PNLIPRP3: variants seen among roughly 807,000 people sequenced by gnomAD.
PNLIPRP3 encodes pancreatic lipase related protein 3.
PNLIPRP3 carries 58 observed loss-of-function variants against 52.8 expected under a neutral mutation model. The ratio of observed to expected loss-of-function variants is 1.10; its 90% CI spans 0.89 to 1.37. The LOEUF (loss-of-function observed/expected upper bound fraction) is 1.37, where lower values mean the gene tolerates loss of function less well. Among genes scored for constraint, PNLIPRP3 ranks in the 40% most tolerant of loss-of-function variants. PNLIPRP3 has a pLI of 0.00. For missense variants in PNLIPRP3, 593 were observed against 561.6 expected (o/e 1.06, Z -0.57); for synonymous variants, 192 against 185.0 (o/e 1.04, Z -0.31).
chr10:116,467,891 C>T (rs1045129065), intron 8 of PNLIPRP3, among the ~76,000 whole-genome samples: 6 of 151,632 alleles, frequency 4.0e-5, no homozygotes, highest in East Asian at 1.9e-4. Flanking sequence ...TTTGGGAGGC[C>T]GAGGAAGGCG....
At chr10:116,441,325 A>G (rs2133117761) in intron 2 of PNLIPRP3, among the ~76,000 whole-genome samples, 1 of 152,336 alleles carries the variant, frequency 6.6e-6, no homozygotes, top group African/African-American at 2.4e-5. Context: ...TTACACTAGC[A>G]TGACAACAGA....
chr10:116,459,621 AC>A (rs1442399948), intron 5 of PNLIPRP3, among the ~76,000 whole-genome samples: 1 of 152,000 alleles, frequency 6.6e-6, no homozygotes, highest in Non-Finnish European at 1.5e-5. Context: ...AACTCTACAC[AC>A]CAGCCTTAGC....
At chr10:116,451,548 C>T (rs1427300771) in intron 4 of PNLIPRP3, among the ~76,000 whole-genome samples, 1 of 152,106 alleles carries the variant, frequency 6.6e-6, no homozygotes, top group Non-Finnish European at 1.5e-5. Context: ...CCATGAATGG[C>T]TTAGTGCCAT....
At chr10:116,457,691 T>C (rs1449827286) in intron 5 of PNLIPRP3, among the ~76,000 whole-genome samples, 1 of 152,198 alleles carries the variant, frequency 6.6e-6, no homozygotes, top group Admixed American at 6.5e-5. Context: ...CTTTTGAAGA[T>C]GGAACCTCAT....
intron 1 of PNLIPRP3, among the ~76,000 whole-genome samples, chr10:116,433,483 T>G (rs933643187): frequency 6.6e-6 from 1 of 152,170 alleles, no homozygotes; most frequent in Non-Finnish European, 1.5e-5. Flanking sequence ...AAATGCAAAT[T>G]AAAATAACAA....
intron 4 of PNLIPRP3, among the ~76,000 whole-genome samples, chr10:116,444,817 T>C (rs755832933): frequency 8.5e-5 from 13 of 152,218 alleles, no homozygotes; most frequent in Non-Finnish European, 1.6e-4. Flanking sequence ...CAATTGTAAA[T>C]CTATCCTTAG....
chr10:116,435,235 A>G (rs1471477472), intron 1 of PNLIPRP3, among the ~76,000 whole-genome samples: 1 of 152,188 alleles, frequency 6.6e-6, no homozygotes, highest in Non-Finnish European at 1.5e-5. Flanking sequence ...CTTATAGAGC[A>G]AAGTCTGAAT....
At chr10:116,450,914 C>CT (rs34138601) in intron 4 of PNLIPRP3, among the ~76,000 whole-genome samples, 122,146 of 151,454 alleles carry the variant, frequency 0.81, 52,217 homozygotes, top group Non-Finnish European at 0.97. Context: ...TTCCAGTGGC[C>CT]TTTTTTTTAA....
intron 7 of PNLIPRP3, among the ~76,000 whole-genome samples, chr10:116,463,045 T>C (rs964833377): frequency 7.9e-5 from 12 of 152,200 alleles, no homozygotes; most frequent in South Asian, 2.1e-4. Context: ...TCACAATTAA[T>C]TGTGAATATA....
chr10:116,459,726 C>G (rs1302300984), intron 5 of PNLIPRP3, among the ~76,000 whole-genome samples: 1 of 152,160 alleles, frequency 6.6e-6, no homozygotes, highest in Non-Finnish European at 1.5e-5. Flanking sequence ...TACCTTTGCC[C>G]TGGCCAATTC....
At position 116,455,787 on chromosome 10, in the gene PNLIPRP3, T is replaced by G. The variant is rs557491294; in HGVS notation, c.522T>G (p.Ala174=). The G allele has an allele frequency of 6.2e-7, 1 of 1,613,618 alleles. No homozygotes were observed. Among genetic ancestry groups the G allele is most frequent in the South Asian group, 1.1e-5 (1 of 91,068 alleles). The change falls in exon 5 of 12, where the codon GCT becomes GCG. Residue 174 remains alanine (A), a synonymous_variant. Coordinates refer to ENST00000369230, the MANE Select transcript of PNLIPRP3 (RefSeq NM_001011709.3). ...LIGHSLGAHL[A]GEAGSRIPGL... is the part of the protein sequence containing the mutation. ...GCCACAGCTTGGGAGCACACCTGGC[T>G]GGGGAAGCTGGGTCAAGGATACCAG...
intron 2 of PNLIPRP3, chr10:116,440,122 G>T: frequency 1.6e-6 from 1 of 637,068 alleles, no homozygotes; most frequent in Non-Finnish European, 2.8e-6. Context: ...GTATTTGGGG[G>T]CACCTTCTCT....
chr10:116,460,929 A>C, intron 5 of PNLIPRP3, 37 bp from the exon 6 acceptor site: 1 of 1,602,578 alleles, frequency 6.2e-7, no homozygotes, highest in South Asian at 1.1e-5. Context: ...ATTAATGTGC[A>C]CTTCCATAGA....
chr10:116,431,888 C>T lies in PNLIPRP3; in HGVS notation c.49+3827C>T, dbSNP rs140774763. ...CCTTCCCTCTGTCTGGAATGCTGTC[C>T]CACACATCTGCATGCGGTTTGCTCC... On this transcript the variant is annotated intron_variant, in intron 1 of 11. Transcript: ENST00000369230. 4.1e-3 allele frequency among the ~76,000 whole-genome samples: 626 copies of T among 152,094 alleles called. 2 individuals carry two copies. The highest frequency in any genetic ancestry group is 7.2e-3 in the Non-Finnish European group (489 of 67,988).
At chr10:116,434,081 C>G (rs1433276523) in intron 1 of PNLIPRP3, among the ~76,000 whole-genome samples, 1 of 152,156 alleles carries the variant, frequency 6.6e-6, no homozygotes, top group Non-Finnish European at 1.5e-5. Flanking sequence ...AAGGCTAAAT[C>G]TGTTTTTGGT....
intron 10 of PNLIPRP3, among the ~76,000 whole-genome samples, chr10:116,473,673 C>T (rs922647086): frequency 2.6e-5 from 4 of 151,998 alleles, no homozygotes; most frequent in Non-Finnish European, 4.4e-5. Context: ...AGGTGCCCAC[C>T]ACCATGCCTG....
chr10:116,471,058 T>C (rs1229889846), intron 9 of PNLIPRP3, among the ~76,000 whole-genome samples: 2 of 152,358 alleles, frequency 1.3e-5, no homozygotes, highest in Admixed American at 6.5e-5. Context: ...TTAAAATTCC[T>C]CTCTGGTAGG....
rs75072598 is a variant in PNLIPRP3, at chr10:116,443,488, C to A, written c.324+314C>A. On this transcript the variant is annotated intron_variant, in intron 3 of 11. Coordinates refer to ENST00000369230, the MANE Select transcript of PNLIPRP3 (RefSeq NM_001011709.3). ...TCCAAGTTAACTCCATGAAATTAAT[C>A]TTTCTCTCCTATACTTAAGATTAAT... Among the ~76,000 whole-genome samples, 24 of 151,514 alleles carry A rather than the reference C, an allele frequency of 1.6e-4. No individual in the cohort carries two copies. The East Asian group carries it at 4.7e-3, about 30-fold the overall frequency.
At chr10:116,433,187 C>T (rs1845731959) in intron 1 of PNLIPRP3, among the ~76,000 whole-genome samples, 1 of 115,938 alleles carries the variant, frequency 8.6e-6, no homozygotes, top group South Asian at 3.1e-4. Context: ...AAACAAAACC[C>T]CAAAGCCACT....
Sources: gnomAD v4.1 joint callset for allele counts (sites outside exome capture counted in the v4.1 genomes callset) on GRCh38, gnomAD v4.1.1 for gene constraint, MANE v1.5 for transcripts, NCBI Gene and HGNC (gene_info 2026-07-23, HGNC 2026-07-21) for gene names.